The following RHBDL3 variants were observed in gnomAD, a reference collection of about 807,000 sequenced individuals.
The protein encoded by RHBDL3 is rhomboid-related protein 3.
A neutral mutation model predicts 48.2 loss-of-function variants in RHBDL3; 28 were observed. That is an observed-to-expected ratio of 0.58 (90% CI 0.43 to 0.80). The LOEUF (loss-of-function observed/expected upper bound fraction) is 0.80, where lower values mean the gene tolerates loss of function less well. Among genes scored for constraint, RHBDL3 ranks in the 30% least tolerant of loss-of-function variants. The pLI is 0.00. For synonymous variants in RHBDL3, 208 were observed against 232.3 expected, an observed-to-expected ratio of 0.90 and a Z score of 0.95; for missense variants, 464 against 542.7, an observed-to-expected ratio of 0.85 and a Z score of 1.44.
chr17:32,284,757 C>T lies in RHBDL3; in HGVS notation c.234C>T (p.Leu78=), dbSNP rs1361723157. ...SKLDPHKREV[L]LALADSHADG... is the part of the protein sequence containing the mutation. ...TGGACCCGCACAAAAGGGAGGTCCT[C>T]CTGGCTCTTGCCGACAGCCACGCGG... is the stretch of plus-strand genomic sequence containing the variant. The change falls in exon 3 of 9, where the codon CTC becomes CTT. Residue 78 remains leucine (L), a synonymous_variant. Transcript: ENST00000269051. 6.2e-7 allele frequency: 1 copy of T among 1,613,978 alleles called. No individual in the cohort carries two copies. The highest frequency in any genetic ancestry group is 8.5e-7 in the Non-Finnish European group (1 of 1,180,024).
At chr17:32,316,420 C>T (rs900721846) in intron 8 of RHBDL3, 128 bp downstream of exon 8, 1 of 654,978 alleles carries the variant, frequency 1.5e-6, no homozygotes, top group African/African-American at 1.8e-5. Flanking sequence ...CAATGGTTAG[C>T]AAAAAAGTAG....
chr17:32,272,407 A>G (rs538984028), intron 2 of RHBDL3, among the ~76,000 whole-genome samples: 2 of 152,354 alleles, frequency 1.3e-5, no homozygotes, highest in East Asian at 1.9e-4. Context: ...AGGTTCAGAT[A>G]AGACCCCTGA....
Position 32,294,264 on chromosome 17 carries a change from C to T in RHBDL3, c.520-30C>T, listed in dbSNP as rs375107950. On this transcript the variant is annotated intron_variant, in intron 4 of 8. Coordinates refer to ENST00000269051, the MANE Select transcript of RHBDL3 (RefSeq NM_138328.3). ...AGGAAGTTTCCTGGGCAGTGTGCACCTAGTAACAGACTCTCTCTCTTCTGT... is the reference window on the plus strand; with the variant it reads ...AGGAAGTTTCCTGGGCAGTGTGCACTTAGTAACAGACTCTCTCTCTTCTGT... 5.6e-6 allele frequency: 9 copies of T among 1,606,898 alleles called. No individual in the cohort carries two copies. In the East Asian group the frequency reaches 2.0e-4, roughly 36 times the overall value.
intron 7 of RHBDL3, among the ~76,000 whole-genome samples, chr17:32,308,975 AGAATCACTT>A (rs1298555771): frequency 6.6e-6 from 1 of 152,146 alleles, no homozygotes; most frequent in Non-Finnish European, 1.5e-5. Flanking sequence ...CTGAGGCAGT[AGAATCACTT>A]GAACCTAGGA....
At chr17:32,283,067 C>T (rs1261884195) in intron 2 of RHBDL3, among the ~76,000 whole-genome samples, 6 of 152,148 alleles carry the variant, frequency 3.9e-5, no homozygotes, top group Admixed American at 1.3e-4. Flanking sequence ...TTTGGTATTC[C>T]GGACTCCCTC....
intron 7 of RHBDL3, 113 bp from the exon 8 acceptor site, chr17:32,316,119 C>T: frequency 1.3e-6 from 1 of 765,160 alleles, no homozygotes; most frequent in Non-Finnish European, 2.3e-6. Flanking sequence ...CCACAACCCT[C>T]TCATTCAGGA....
Position 32,289,134 on chromosome 17 carries a change from A to G in RHBDL3, c.519+118A>G, listed in dbSNP as rs141556431. 5.2e-3 allele frequency: 4,037 copies of G among 771,872 alleles called. 51 individuals are homozygous for G. The highest frequency in any genetic ancestry group is 0.018 in the African/African-American group (1,075 of 58,742). 47.8% of individuals were successfully genotyped at this position (771,872 alleles called of 1,614,324 possible). A position where few individuals can be genotyped will look rare whatever the true frequency, so the allele number is the denominator to read the frequency against. On this transcript the variant is annotated intron_variant, in intron 4 of 8. Transcript: ENST00000269051. ...AAGAGGGACATTTCTTTTCCATTGA[A>G]GGGCAATGGTTGAGGATCAAATAAT...
chr17:32,296,433 T>C (rs930492020), intron 5 of RHBDL3, among the ~76,000 whole-genome samples: 2 of 148,482 alleles, frequency 1.3e-5, no homozygotes, highest in Non-Finnish European at 3.0e-5. Context: ...CCTCCTGGGT[T>C]CAAGCGATTC....
At chr17:32,320,035 G>A (rs901315900) in intron 8 of RHBDL3, among the ~76,000 whole-genome samples, 2 of 152,098 alleles carry the variant, frequency 1.3e-5, no homozygotes, top group Admixed American at 6.6e-5. Context: ...CACTGTGGGA[G>A]GCTGAGGCAG....
chr17:32,308,925 G>A (rs149370543), intron 7 of RHBDL3, among the ~76,000 whole-genome samples: 158 of 152,164 alleles, frequency 1.0e-3, no homozygotes, highest in Non-Finnish European at 2.0e-3. Context: ...AATTAGCCAG[G>A]TGTGGTGGTA....
In RHBDL3 at chr17:32,284,673, C is replaced by A; in HGVS notation, c.150C>A (p.Asn50Lys). The part of the protein sequence containing the change: ...KVLFDQFDPG[N>K]TGYISTGKFR... ...TTTTCCCTCAGTTTGACCCTGGGAA[C>A]ACAGGCTACATTAGCACAGGCAAGT... The change falls in exon 3 of 9, where the codon AAC becomes AAA. Residue 50 changes from asparagine (N) to lysine (K), a missense_variant. Physicochemically the swap from Asn to Lys is moderately conservative, Grantham distance 94. Transcript: ENST00000269051. The A allele has an allele frequency of 6.2e-7, 1 of 1,614,110 alleles. No individual in the cohort carries two copies. The highest frequency in any genetic ancestry group is 8.5e-7 in the Non-Finnish European group (1 of 1,179,958).
At position 32,298,081 on chromosome 17, in the gene RHBDL3, C is replaced by T. The variant is rs377186702; in HGVS notation, c.669-11C>T. On this transcript the variant is annotated splice_polypyrimidine_tract_variant and intron_variant, in intron 5 of 8. Coordinates refer to ENST00000269051, the MANE Select transcript of RHBDL3 (RefSeq NM_138328.3). ...ATAGATGAATGAGTGAGTGTGGTCT[C>T]TCTGTCACAGGATAGAACACCTGGG... 1 of 1,573,498 alleles carries T rather than the reference C, an allele frequency of 6.4e-7. No individual in the cohort carries two copies. Among genetic ancestry groups the T allele is most frequent in the Admixed American group, 1.7e-5 (1 of 59,570 alleles).
chr17:32,300,154 G>A (rs986714181), intron 6 of RHBDL3, among the ~76,000 whole-genome samples: 5 of 152,192 alleles, frequency 3.3e-5, no homozygotes, highest in African/African-American at 1.2e-4. Context: ...TGGTGGAGCT[G>A]GGCAGGGTCT....
intron 6 of RHBDL3, among the ~76,000 whole-genome samples, chr17:32,303,965 G>A (rs1167438076): frequency 6.6e-6 from 1 of 152,142 alleles, no homozygotes; most frequent in Non-Finnish European, 1.5e-5. Context: ...GGTAATTTCT[G>A]CACACTCACC....
At position 32,321,519 on chromosome 17, in the gene RHBDL3, G is replaced by C. The variant is rs2041134301; in HGVS notation, c.*290G>C. 1 of 646,684 alleles carries C rather than the reference G, an allele frequency of 1.5e-6. No homozygotes were observed. The highest frequency in any genetic ancestry group is 1.8e-5 in the African/African-American group (1 of 54,462). 40.1% of individuals were successfully genotyped at this position (646,684 alleles called of 1,614,324 possible). ...GTGAGAGTGGCCCTCCCTCACCTGGGCTGGGCTTCTTCCATGGGGCCAGGG... is the reference window on the plus strand; with the variant it reads ...GTGAGAGTGGCCCTCCCTCACCTGGCCTGGGCTTCTTCCATGGGGCCAGGG... On this transcript the variant is annotated 3_prime_UTR_variant, in exon 9 of 9. Coordinates refer to ENST00000269051, the MANE Select transcript of RHBDL3 (RefSeq NM_138328.3).
At chr17:32,279,904 A>G (rs1254716075) in intron 2 of RHBDL3, among the ~76,000 whole-genome samples, 1 of 152,172 alleles carries the variant, frequency 6.6e-6, no homozygotes, top group Non-Finnish European at 1.5e-5. Flanking sequence ...CAAAGAGAGA[A>G]TCTGGTAGGT....
chr17:32,318,510 C>T (rs985458945), intron 8 of RHBDL3, among the ~76,000 whole-genome samples: 2 of 112,234 alleles, frequency 1.8e-5, no homozygotes, highest in African/African-American at 7.6e-5. Context: ...AGGGAGTGAA[C>T]GCATTTTCTC....
intron 2 of RHBDL3, among the ~76,000 whole-genome samples, chr17:32,279,856 G>GC (rs1475681567): frequency 6.6e-6 from 1 of 152,158 alleles, no homozygotes; most frequent in Non-Finnish European, 1.5e-5. Context: ...TCCTCCCCTT[G>GC]CCCCAGACTG....
intron 2 of RHBDL3, among the ~76,000 whole-genome samples, chr17:32,280,078 C>T (rs532459855): frequency 5.3e-5 from 8 of 152,256 alleles, no homozygotes; most frequent in South Asian, 2.1e-4. Flanking sequence ...GGCAGGTGGG[C>T]GGGCCAGCTC....
Sources: gnomAD v4.1 joint callset for allele counts (sites outside exome capture counted in the v4.1 genomes callset) on GRCh38, gnomAD v4.1.1 for gene constraint, MANE v1.5 for transcripts, NCBI Gene and HGNC (gene_info 2026-07-23, HGNC 2026-07-21) for gene names.